The following CELF2 variants were observed in gnomAD, a reference collection of about 807,000 sequenced individuals.
The protein encoded by CELF2 is CUG triplet repeat RNA-binding protein 2.
In CELF2, 8 loss-of-function variants were observed where a neutral mutation model predicts 62.6. That is an observed-to-expected ratio of 0.13 (90% CI 0.07 to 0.23). CELF2 has a LOEUF of 0.23. CELF2 is among the 10% of genes least tolerant of loss of function. The probability of loss-of-function intolerance (pLI) is 1.00; values close to 1 mark genes in which losing one functional copy is unlikely to be tolerated. For synonymous variants in CELF2, 258 were observed against 250.0 expected (o/e 1.03, Z -0.30); for missense variants, 333 against 671.0 (o/e 0.50, Z 5.56).
At chr10:10,531,757 T>C in the CELF2 span, among the ~76,000 whole-genome samples, 3 of 152,214 alleles carry the variant, frequency 2.0e-5, no homozygotes, top group Non-Finnish European at 4.4e-5. Flanking sequence ...ATTAATCATC[T>C]CTACTAAAGT....
chr10:10,787,755 T>G, the CELF2 span, among the ~76,000 whole-genome samples: 3 of 152,176 alleles, frequency 2.0e-5, no homozygotes, highest in Non-Finnish European at 2.9e-5. Flanking sequence ...TTTTCCTAGA[T>G]CGAGTACTGC....
rs2046676833 is a variant in CELF2 at position 10,938,622 on chromosome 10, G to A, written c.89+18623G>A. On this transcript the variant is annotated intron_variant, in intron 2 of 13. Transcript: ENST00000636488. The surrounding 1 kb of genome is among the most constrained non-coding windows in gnomAD (Gnocchi z 4.2). ...AACAGGAGTTGTATGACAATTTGGA[G>A]GTCCTTTTCTTTGTCTCCCAAGTGA... Among the ~76,000 whole-genome samples, 1 of 152,152 alleles carries A rather than the reference G, an allele frequency of 6.6e-6. No individual in the cohort carries two copies. Among genetic ancestry groups the A allele is most frequent in the Admixed American group, 6.5e-5 (1 of 15,284 alleles).
chr10:11,118,269 C>CTT (rs2056996388), intron 1 of CELF2, among the ~76,000 whole-genome samples: 3 of 152,084 alleles, frequency 2.0e-5, no homozygotes, highest in African/African-American at 7.2e-5. Context: ...GAACCCAAGG[C>CTT]TTGGTGTACT....
the CELF2 span, among the ~76,000 whole-genome samples, chr10:10,562,779 C>T: frequency 1.3e-5 from 2 of 152,158 alleles, no homozygotes; most frequent in African/African-American, 4.8e-5. Flanking sequence ...AGGTCAGATA[C>T]GGAGCCTACC....
At position 11,148,969 on chromosome 10, in the gene CELF2, C is replaced by A. The variant is rs1464381589; in HGVS notation, c.75-16517C>A. On this transcript the variant is annotated intron_variant, in intron 1 of 12. Transcript: ENST00000633077. ...CTCTGGTATCACTAGGGACCTTGCT[C>A]TGAGCTGGAATGCATTTGTCCTGAG... Among the ~76,000 whole-genome samples the A allele has an allele frequency of 2.0e-5, 3 of 152,218 alleles. No individual in the cohort carries two copies. The South Asian group carries it at 6.2e-4, about 31-fold the overall frequency.
the CELF2 span, among the ~76,000 whole-genome samples, chr10:10,621,382 T>C: frequency 2.0e-5 from 3 of 152,034 alleles, no homozygotes; most frequent in Non-Finnish European, 4.4e-5. Context: ...AAGCTTTTTT[T>C]TGAGAACATT....
Position 11,156,899 on chromosome 10 carries a change from AGGAAAAGAAGACC to A in CELF2, c.75-8582_75-8570del, listed in dbSNP as rs2064560179. On this transcript the variant is annotated intron_variant, in intron 1 of 12. Transcript: ENST00000633077. This position sits in a 1 kb window ranked among gnomAD's most constrained non-coding sequence, Gnocchi z 4.3. ...GAAGATGAGCCTAAAAGCTGATTGGAGGAAAAGAAGACCGGAAGAGATGAACTTTAGGTGTGCT... is the reference window on the plus strand; with the variant it reads ...GAAGATGAGCCTAAAAGCTGATTGGAGGAAGAGATGAACTTTAGGTGTGCT... Among the ~76,000 whole-genome samples, 1 of 152,194 alleles carries A rather than the reference AGGAAAAGAAGACC, an allele frequency of 6.6e-6. No individual in the cohort carries two copies.
At chr10:11,025,427 C>A (rs914791361) in intron 1 of CELF2, among the ~76,000 whole-genome samples, 18 of 152,024 alleles carry the variant, frequency 1.2e-4, no homozygotes, top group African/African-American at 4.3e-4. Context: ...AGCGAGTTCT[C>A]ACGAGATCCG....
At chr10:10,971,074 CCT>C (rs2050703667) in intron 2 of CELF2, among the ~76,000 whole-genome samples, 1 of 152,080 alleles carries the variant, frequency 6.6e-6, no homozygotes, top group African/African-American at 2.4e-5. Context: ...TGTTTTTTAG[CCT>C]CTCTCAACTC....
intron 3 of CELF2, among the ~76,000 whole-genome samples, chr10:11,222,781 T>C (rs1383843102): frequency 6.6e-6 from 1 of 152,222 alleles, no homozygotes. Flanking sequence ...ACAGTTTTAT[T>C]TTCTAAAAAA....
intron 1 of CELF2, among the ~76,000 whole-genome samples, chr10:10,899,943 C>T (rs1055632310): frequency 2.0e-5 from 3 of 152,166 alleles, no homozygotes; most frequent in Admixed American, 1.3e-4. Flanking sequence ...TGGGTGGGGA[C>T]GCAGACCCAA....
chr10:11,247,919 C>T lies in CELF2; in HGVS notation c.355-1234C>T, dbSNP rs1178511621. On this transcript the variant is annotated intron_variant, in intron 3 of 12. Transcript: ENST00000633077. This position sits in a 1 kb window ranked among gnomAD's most constrained non-coding sequence, Gnocchi z 5.4. ...ACTTAGCCTCTTTCTTCTCCCTCCT[C>T]CTCTGTTCTGAAGACCCAGGCCGGC... Among the ~76,000 whole-genome samples the T allele has an allele frequency of 2.0e-5, 3 of 152,190 alleles. No individual in the cohort carries two copies. The highest frequency in any genetic ancestry group is 2.9e-5 in the Non-Finnish European group (2 of 68,038).
intron 1 of CELF2, among the ~76,000 whole-genome samples, chr10:11,120,675 G>C (rs984520654): frequency 2.0e-5 from 3 of 152,200 alleles, no homozygotes; most frequent in Non-Finnish European, 4.4e-5. Context: ...AGCCTTTGCT[G>C]TTACCTTTGC....
intron 2 of CELF2, chr10:10,923,105 C>T (rs1464573737): frequency 2.6e-5 from 4 of 152,154 alleles, no homozygotes; most frequent in Non-Finnish European, 5.9e-5. Context: ...CGAAATACCT[C>T]GGTGCTGTGG....
At chr10:10,625,431 C>T in the CELF2 span, among the ~76,000 whole-genome samples, 10 of 150,638 alleles carry the variant, frequency 6.6e-5, no homozygotes, top group South Asian at 1.5e-3. Context: ...CCATTTTGCA[C>T]GGAAGGCAAC....
intron 2 of CELF2, among the ~76,000 whole-genome samples, chr10:10,920,296 C>T (rs1276678041): frequency 6.6e-6 from 1 of 152,172 alleles, no homozygotes; most frequent in African/African-American, 2.4e-5. Flanking sequence ...AAATCATAAA[C>T]ATGCTGCTTC....
intron 3 of CELF2, among the ~76,000 whole-genome samples, chr10:11,221,537 G>A (rs1283455271): frequency 6.6e-6 from 1 of 151,736 alleles, no homozygotes; most frequent in Non-Finnish European, 1.5e-5. Context: ...TCTTTCCAAG[G>A]TCTTAACACA....
chr10:10,709,637 G>A, the CELF2 span, among the ~76,000 whole-genome samples: 1 of 152,184 alleles, frequency 6.6e-6, no homozygotes, highest in African/African-American at 2.4e-5. Flanking sequence ...AGCTACTCAG[G>A]ATCCAAGGGG....
the CELF2 span, among the ~76,000 whole-genome samples, chr10:10,519,160 C>G: frequency 6.6e-6 from 1 of 152,094 alleles, no homozygotes; most frequent in Non-Finnish European, 1.5e-5. Context: ...AGTGTCAGAA[C>G]AGGAGTCAGG....
Sources: allele counts gnomAD v4.1 joint callset (sites outside exome capture counted in the v4.1 genomes callset), GRCh38; gene constraint gnomAD v4.1.1; non-coding constraint Gnocchi (gnomAD v3.1); transcripts MANE v1.5; gene names NCBI Gene and HGNC (gene_info 2026-07-23, HGNC 2026-07-21).